TMC2: variants seen among roughly 807,000 people sequenced by gnomAD.
TMC2 encodes the protein transmembrane channel-like protein 2.
A neutral mutation model predicts 105.9 loss-of-function variants in TMC2; 102 were observed. The ratio of observed to expected loss-of-function variants is 0.96; its 90% CI spans 0.82 to 1.14. The LOEUF is 1.14. TMC2 is among the 50% of genes most tolerant of loss of function. TMC2 has a pLI of 0.00. For synonymous variants in TMC2, 402 were observed against 422.8 expected (o/e 0.95, Z 0.60); for missense variants, 1,093 against 1,134.3 (o/e 0.96, Z 0.52).
chr20:2,588,001 A>G (rs1246201314), intron 7 of TMC2, among the ~76,000 whole-genome samples: 3 of 149,798 alleles, frequency 2.0e-5, no homozygotes, highest in Admixed American at 2.0e-4. Flanking sequence ...ATGACCCTCA[A>G]TCTTGTATAA....
chr20:2,582,352 A>G (rs2086198032), intron 7 of TMC2, among the ~76,000 whole-genome samples: 1 of 152,218 alleles, frequency 6.6e-6, no homozygotes. Context: ...GGTTTTCAGC[A>G]TAAGCTAAGG....
chr20:2,558,341 G>A lies in TMC2; in HGVS notation c.83-115G>A. The A allele has an allele frequency of 6.7e-7, 1 of 1,497,656 alleles. No individual in the cohort carries two copies. The allele number at this position is 1,497,656 out of a possible 1,614,324, so 92.8% of individuals were successfully genotyped here. ...TTTGGGGTGTCCTGTTCTGAGCCCC[G>A]CAGAGCTCACAAGCTCTCGGAATCA... On this transcript the variant is annotated intron_variant, in intron 2 of 19. Coordinates refer to ENST00000358864, the MANE Select transcript of TMC2 (RefSeq NM_080751.3). This position sits in a 1 kb window ranked among gnomAD's most constrained non-coding sequence, Gnocchi z 4.6.
At chr20:2,537,938 C>T (rs982575618) in intron 2 of TMC2, among the ~76,000 whole-genome samples, 3 of 152,176 alleles carry the variant, frequency 2.0e-5, no homozygotes, top group South Asian at 4.1e-4. Context: ...TCCCCCTTCA[C>T]GTCCCAGGCA....
At chr20:2,570,786 T>A (rs1160824193) in intron 4 of TMC2, among the ~76,000 whole-genome samples, 1 of 152,108 alleles carries the variant, frequency 6.6e-6, no homozygotes, top group Non-Finnish European at 1.5e-5. Flanking sequence ...AGCACAGTAC[T>A]GGTACAAAAA....
rs1225605384 is a variant in TMC2, at chr20:2,602,117, C to A, written c.1229C>A (p.Ser410Ter). ...ATCTCATTTTCACACATTAAGGAATCAATAGTGGATGAACAAGAGAGTAAC... is the reference window on the plus strand; with the variant it reads ...ATCTCATTTTCACACATTAAGGAATAAATAGTGGATGAACAAGAGAGTAAC... ...YASITTSFKE[S>*]IVDEQESNKE... Residue 410 changes from serine (S) to a stop codon, truncating the protein, a stop_gained, in exon 11 of 20, where the codon TCA becomes TAA. Coordinates refer to ENST00000358864, the MANE Select transcript of TMC2 (RefSeq NM_080751.3). LOFTEE classifies it high-confidence loss of function. 1.2e-6 allele frequency: 2 copies of A among 1,607,820 alleles called. No homozygotes were observed. The highest frequency in any genetic ancestry group is 1.1e-5 in the South Asian group (1 of 89,758).
intron 14 of TMC2, among the ~76,000 whole-genome samples, chr20:2,614,730 G>C (rs997152587): frequency 6.6e-6 from 1 of 151,998 alleles, no homozygotes; most frequent in African/African-American, 2.4e-5. Context: ...TCCAGAAATA[G>C]ATACTATCTA....
At chr20:2,610,303 CAGGCGCAGCAGA>C in intron 11 of TMC2, 104 bp from the exon 12 acceptor site, 1 of 976,958 alleles carries the variant, frequency 1.0e-6, no homozygotes, top group Admixed American at 2.3e-5. Context: ...AGGGCATCTC[CAGGCGCAGCAGA>C]GGGGGCAGCA....
intron 10 of TMC2, among the ~76,000 whole-genome samples, chr20:2,599,078 G>C (rs901016716): frequency 6.6e-6 from 1 of 152,062 alleles, no homozygotes; most frequent in Non-Finnish European, 1.5e-5. Flanking sequence ...AGTATTTTTA[G>C]TAGAGATGGG....
intron 7 of TMC2, among the ~76,000 whole-genome samples, chr20:2,589,269 CCTGTGTGTGTGTGT>C (rs1395182752): frequency 8.3e-5 from 7 of 84,712 alleles, no homozygotes; most frequent in Admixed American, 2.1e-4. Flanking sequence ...TCCTATTTGC[CCTGTGTGTGTGTGT>C]GTGTGTGTGT....
chr20:2,627,682 T>C (rs1239770754), intron 17 of TMC2, among the ~76,000 whole-genome samples: 1 of 152,206 alleles, frequency 6.6e-6, no homozygotes, highest in African/African-American at 2.4e-5. Context: ...CACTCTCCCA[T>C]GTCTTAAACT....
chr20:2,610,437 C>T lies in TMC2; in HGVS notation c.1432C>T (p.Leu478=). 1 of 1,612,146 alleles carries T rather than the reference C, an allele frequency of 6.2e-7. No individual in the cohort carries two copies. Among genetic ancestry groups the T allele is most frequent in the Admixed American group, 1.7e-5 (1 of 59,848 alleles). The change falls in exon 12 of 20, where the codon CTG becomes TTG. Residue 478 remains leucine (L), a synonymous_variant. Transcript: ENST00000358864. ...ERNEVEIVMS[L]LGMFCPPLFE... ...TCCTCAGGTAGAGATCGTGATGTCC[C>T]TGCTTGGAATGTTTTGTCCCCCTCT... is the stretch of plus-strand genomic sequence containing the variant.
rs377420360 is a variant in TMC2 at position 2,542,331 on chromosome 20, T to C, written c.82+5015T>C. On this transcript the variant is annotated intron_variant, in intron 2 of 19. Transcript: ENST00000358864. ...CGTTTTGGGGCTTCTGGGTAAGTTA[T>C]GGAAGGTGACTAGGAAACGTGTGGT... 2.6e-5 allele frequency among the ~76,000 whole-genome samples: 4 copies of C among 152,294 alleles called. No homozygotes were observed. The East Asian group carries it at 5.8e-4, about 22-fold the overall frequency.
chr20:2,554,027 G>C (rs6050004), intron 2 of TMC2, among the ~76,000 whole-genome samples: 19 of 152,046 alleles, frequency 1.2e-4, no homozygotes, highest in African/African-American at 4.6e-4. Flanking sequence ...TGGGATTACA[G>C]GCACCCGCCA....
At position 2,572,240 on chromosome 20, in the gene TMC2, C is replaced by G. The variant is rs368277548; in HGVS notation, c.616C>G (p.Leu206Val). 1.6e-5 allele frequency: 26 copies of G among 1,613,008 alleles called. No homozygotes were observed. In the East Asian group the frequency reaches 3.1e-4, roughly 19 times the overall value. ...CTTGGGAAAGGGGAAAGGCAAGCAA[C>G]TATATGCCTACAAGATGCTGATGGC... ...GALGKGKGKQ[L>V]YAYKMLMAKK... is the part of the protein sequence containing the mutation. The change falls in exon 5 of 20, where the codon CTA becomes GTA. Residue 206 changes from leucine to valine, a missense_variant. By Grantham distance (32) the Leu-to-Val change is conservative. Transcript: ENST00000358864.
chr20:2,627,652 A>G (rs765803969), intron 17 of TMC2, among the ~76,000 whole-genome samples: 1 of 152,164 alleles, frequency 6.6e-6, no homozygotes, highest in Non-Finnish European at 1.5e-5. Context: ...TCAAGCATCA[A>G]GTCCCTTTAG....
chr20:2,542,361 AAGTGTTATTC>A (rs2085895598), intron 2 of TMC2, among the ~76,000 whole-genome samples: 2 of 152,304 alleles, frequency 1.3e-5, no homozygotes, highest in East Asian at 3.9e-4. Context: ...TGTGGTAAAT[AAGTGTTATTC>A]AGTAAGGTTT....
In TMC2 at chr20:2,643,548, G is replaced by A. The variant is rs1452313326; in HGVS notation, c.*2197G>A. 6.6e-6 allele frequency among the ~76,000 whole-genome samples: 1 copy of A among 152,172 alleles called. No individual in the cohort carries two copies. Among genetic ancestry groups the A allele is most frequent in the African/African-American group, 2.4e-5 (1 of 41,432 alleles). ...AACAAATTATTCCCAAAACATAACA[G>A]CCTAAAACAATAAACAATTATGTAT... On this transcript the variant is annotated 3_prime_UTR_variant, in exon 20 of 20. Transcript: ENST00000358864.
intron 2 of TMC2, among the ~76,000 whole-genome samples, chr20:2,544,538 G>T (rs1002342106): frequency 6.6e-6 from 1 of 152,072 alleles, no homozygotes; most frequent in Non-Finnish European, 1.5e-5. Context: ...TTTCAGAGAG[G>T]TCTGCAGGAA....
intron 2 of TMC2, among the ~76,000 whole-genome samples, chr20:2,557,323 G>T (rs954926824): frequency 6.6e-6 from 1 of 151,942 alleles, no homozygotes; most frequent in Non-Finnish European, 1.5e-5. Context: ...CATATCCTCC[G>T]CCCACTGACT....
Sources: allele counts gnomAD v4.1 joint callset (sites outside exome capture counted in the v4.1 genomes callset), GRCh38; gene constraint gnomAD v4.1.1; non-coding constraint Gnocchi (gnomAD v3.1); transcripts MANE v1.5; gene names NCBI Gene and HGNC (gene_info 2026-07-23, HGNC 2026-07-21).